ISLR2: variants seen among roughly 807,000 people sequenced by gnomAD.
ISLR2 encodes the protein immunoglobulin superfamily containing leucine-rich repeat protein 2.
Under a neutral mutation model 25.5 loss-of-function variants are expected in ISLR2, and 16 were observed. That is an observed-to-expected ratio of 0.63 (90% CI 0.43 to 0.95). The LOEUF (loss-of-function observed/expected upper bound fraction) is 0.95. Among genes scored for constraint, ISLR2 ranks in the 40% least tolerant of loss-of-function variants. The probability of loss-of-function intolerance (pLI) is 0.00; values close to 1 mark genes in which losing one functional copy is unlikely to be tolerated. For synonymous variants in ISLR2, 508 were observed against 486.6 expected (o/e 1.04, Z -0.58); for missense variants, 883 against 1,030.7 (o/e 0.86, Z 1.96).
chr15:74,110,304 T>C (rs2072155590), intron 2 of ISLR2, among the ~76,000 whole-genome samples: 1 of 152,214 alleles, frequency 6.6e-6, no homozygotes, highest in Admixed American at 6.5e-5. Flanking sequence ...GAAAATAGTT[T>C]GGCAGCTTCT....
At chr15:74,125,963 T>C (rs2072291389), upstream of ISLR2, 1 of 152,202 alleles carries the variant, frequency 6.6e-6, no homozygotes, top group Non-Finnish European at 1.5e-5. Context: ...AAGTCTGCAG[T>C]TGCGGGTCTC....
upstream of ISLR2, among the ~76,000 whole-genome samples, chr15:74,123,225 A>C (rs2141938790): frequency 6.6e-6 from 1 of 152,246 alleles, no homozygotes; most frequent in East Asian, 1.9e-4. Context: ...AGCGGGCCTC[A>C]AGAGATGAGG....
At position 74,135,157 on chromosome 15, in the gene ISLR2, C is replaced by A; in HGVS notation, c.*165C>A. On this transcript the variant is annotated 3_prime_UTR_variant, in exon 3 of 3. Coordinates refer to ENST00000453268, the MANE Select transcript of ISLR2 (RefSeq NM_020851.3). The stretch of plus-strand genomic sequence containing the variant: ...CCAGGGACTTCTATTAGGGAGTGGG[C>A]CGATTTCACCAGTCCCTGCTACCCA... 1.3e-6 allele frequency: 1 copy of A among 781,984 alleles called. No individual in the cohort carries two copies. The highest frequency in any genetic ancestry group is 2.0e-6 in the Non-Finnish European group (1 of 489,400). The allele number at this position is 781,984 out of a possible 1,614,324, so 48.4% of individuals were successfully genotyped here.
chr15:74,130,872 G>T (rs1371322875), intron 1 of ISLR2, among the ~76,000 whole-genome samples: 1 of 152,086 alleles, frequency 6.6e-6, no homozygotes, highest in Admixed American at 6.5e-5. Context: ...AATGCCAGCG[G>T]CTGTGTAAAT....
chr15:74,112,522 G>A (rs1269297733), intron 2 of ISLR2, among the ~76,000 whole-genome samples: 1 of 151,280 alleles, frequency 6.6e-6, no homozygotes, highest in Non-Finnish European at 1.5e-5. Context: ...AGCCATTTAT[G>A]GGTCTGCTTT....
At chr15:74,123,973 C>T (rs2072272278), upstream of ISLR2, among the ~76,000 whole-genome samples, 1 of 151,700 alleles carries the variant, frequency 6.6e-6, no homozygotes, top group African/African-American at 2.4e-5. Context: ...ATCCTCAGCC[C>T]AAATAAATAA....
chr15:74,109,341 T>C (rs1018331032), intron 2 of ISLR2, among the ~76,000 whole-genome samples: 1 of 151,832 alleles, frequency 6.6e-6, no homozygotes, highest in Non-Finnish European at 1.5e-5. Flanking sequence ...AGTCTCTCCC[T>C]CCTCAGAGCC....
chr15:74,126,155 A>G (rs1395565364), upstream of ISLR2: 1 of 152,134 alleles, frequency 6.6e-6, no homozygotes, highest in Non-Finnish European at 1.5e-5. Flanking sequence ...AGGAGGCAGG[A>G]CACAAGCCTG....
At chr15:74,113,529 G>C (rs1234652935) in intron 2 of ISLR2, among the ~76,000 whole-genome samples, 1 of 152,160 alleles carries the variant, frequency 6.6e-6, no homozygotes, top group Non-Finnish European at 1.5e-5. Context: ...TATTTCTTGA[G>C]CTGTTGGACG....
chr15:74,130,537 T>G (rs779812903), upstream of ISLR2: 2 of 152,622 alleles, frequency 1.3e-5, no homozygotes, highest in African/African-American at 4.8e-5. Context: ...AAAGATGGTT[T>G]GTCTCACGTG....
At position 74,135,108 on chromosome 15, in the gene ISLR2, C is replaced by T; in HGVS notation, c.*116C>T. The T allele has an allele frequency of 1.6e-6, 2 of 1,263,342 alleles. No individual in the cohort carries two copies. Among genetic ancestry groups the T allele is most frequent in the Non-Finnish European group, 2.2e-6 (2 of 908,720 alleles). 78.3% of individuals were successfully genotyped at this position (1,263,342 alleles called of 1,614,324 possible). On this transcript the variant is annotated 3_prime_UTR_variant, in exon 3 of 3. Coordinates refer to ENST00000453268, the MANE Select transcript of ISLR2 (RefSeq NM_020851.3). Reference sequence around the variant, plus strand: ...CCCCAACCTTCACCTACTCCTCCCCCTTACTACTCCCCAACCTTGACTACC... The same window carrying T: ...CCCCAACCTTCACCTACTCCTCCCCTTTACTACTCCCCAACCTTGACTACC...
chr15:74,110,816 G>C (rs1490331843), intron 2 of ISLR2, among the ~76,000 whole-genome samples: 2 of 152,142 alleles, frequency 1.3e-5, no homozygotes, highest in Non-Finnish European at 1.5e-5. Flanking sequence ...AAAATTAGCT[G>C]GGCGTGGTGG....
rs755155556 is a variant in ISLR2, at chr15:74,133,208, C to T, written c.454C>T (p.Leu152=). The T allele has an allele frequency of 2.5e-6, 4 of 1,613,022 alleles. No individual in the cohort carries two copies. The highest frequency in any genetic ancestry group is 2.7e-5 in the African/African-American group (2 of 74,956). Residue 152 remains leucine (L), a synonymous_variant, in exon 3 of 3, where the codon CTG becomes TTG. Transcript: ENST00000453268. ...CGGTGCGCTACCCGACCTGCGTTCC[C>T]TGCGCATCAACAACAACCGGCTGCG... ...ALGALPDLRS[L]RINNNRLRTL...
downstream of ISLR2, among the ~76,000 whole-genome samples, chr15:74,141,118 A>G (rs1249710784): frequency 6.6e-6 from 1 of 152,226 alleles, no homozygotes; most frequent in Non-Finnish European, 1.5e-5. Context: ...GGATTTAAAG[A>G]CAGGACGATT....
chr15:74,115,140 G>T (rs1311661527), intron 2 of ISLR2, among the ~76,000 whole-genome samples: 3 of 152,194 alleles, frequency 2.0e-5, no homozygotes, highest in Non-Finnish European at 4.4e-5. Flanking sequence ...ATTCTCACTA[G>T]TCAGAATGAA....
Position 74,106,201 on chromosome 15 carries a change from C to T in ISLR2, n.228+2287C>T, listed in dbSNP as rs150940249. Among the ~76,000 whole-genome samples the T allele has an allele frequency of 6.0e-3, 909 of 152,192 alleles. 18 individuals carry two copies. Among genetic ancestry groups the T allele is most frequent in the African/African-American group, 0.017 (726 of 41,556 alleles). On this transcript the variant is annotated intron_variant and non_coding_transcript_variant, in intron 2 of 3. Transcript: ENST00000561975. ...GCAAGACCCCGTCTCAAGAAAAGTGCTCAGATGCACCCTTACATGAAGCCA... is the reference window on the plus strand; with the variant it reads ...GCAAGACCCCGTCTCAAGAAAAGTGTTCAGATGCACCCTTACATGAAGCCA...
chr15:74,118,580 C>G (rs965186567), intron 2 of ISLR2, among the ~76,000 whole-genome samples: 8 of 151,504 alleles, frequency 5.3e-5, no homozygotes, highest in African/African-American at 1.9e-4. Flanking sequence ...GTTGGAGCAT[C>G]TGAAAAAATG....
chr15:74,133,090 C>T lies in ISLR2; in HGVS notation c.336C>T (p.Ser112=), dbSNP rs2072464947. 6.2e-7 allele frequency: 1 copy of T among 1,612,744 alleles called. No homozygotes were observed. Among genetic ancestry groups the T allele is most frequent in the Non-Finnish European group, 8.5e-7 (1 of 1,179,992 alleles). Residue 112 remains serine (S), a synonymous_variant, in exon 3 of 3, where the codon TCC becomes TCT. Coordinates refer to ENST00000453268, the MANE Select transcript of ISLR2 (RefSeq NM_020851.3). ...TCGATCTGAGCCACAACTTCATATC[C>T]AGCTTTCCGTGGAGCGACCTGCGCA... The part of the protein sequence containing the change: ...KNLDLSHNFI[S]SFPWSDLRNL...
At chr15:74,124,856 G>T (rs149261839), upstream of ISLR2, among the ~76,000 whole-genome samples, 19 of 152,360 alleles carry the variant, frequency 1.2e-4, no homozygotes, top group East Asian at 3.5e-3. Context: ...CAGTCCTTGG[G>T]CTGGAAGCCC....
Sources: allele counts gnomAD v4.1 joint callset (sites outside exome capture counted in the v4.1 genomes callset), GRCh38; gene constraint gnomAD v4.1.1; transcripts MANE v1.5; gene names NCBI Gene and HGNC (gene_info 2026-07-23, HGNC 2026-07-21).